Variants in STOM observed in about 807,000 individuals in gnomAD.
STOM encodes erythrocyte band 7 integral membrane protein.
A neutral mutation model predicts 30.6 loss-of-function variants in STOM; 25 were observed. The ratio of observed to expected loss-of-function variants is 0.82; its 90% CI spans 0.60 to 1.14. STOM has a LOEUF of 1.14. Ranked by LOEUF, STOM falls within the 50% of genes most tolerant of loss-of-function variation. The pLI is 0.00. For synonymous variants in STOM, 118 were observed against 130.8 expected (o/e 0.90, Z 0.67); for missense variants, 292 against 365.2 (o/e 0.80, Z 1.63).
chr9:121,368,859 G>T (rs2064531266), intron 1 of STOM, among the ~76,000 whole-genome samples: 3 of 150,942 alleles, frequency 2.0e-5, no homozygotes, highest in Non-Finnish European at 4.4e-5. Flanking sequence ...AGAATCACTT[G>T]AACTCGGGAG....
intron 4 of STOM, 120 bp downstream of exon 4, chr9:121,353,092 AAAACAAAC>A (rs369715891): frequency 9.3e-6 from 4 of 430,262 alleles, no homozygotes; most frequent in Middle Eastern, 7.0e-4. Context: ...GATTCCAATT[AAAACAAAC>A]AAACAAACAA....
rs540076547 is a variant in STOM at position 121,353,142 on chromosome 9, C to G, written c.321+78G>C. 3.0e-4 allele frequency: 202 copies of G among 679,940 alleles called. 3 individuals are homozygous for G. In the South Asian group the frequency reaches 4.5e-3, roughly 15 times the overall value. 42.1% of individuals were successfully genotyped at this position (679,940 alleles called of 1,614,324 possible). ...ATTTAAAATAAATAAATAAATAAAGCCTACACTCTAACTATTCTGTCCCTC... is the reference window on the plus strand; with the variant it reads ...ATTTAAAATAAATAAATAAATAAAGGCTACACTCTAACTATTCTGTCCCTC... On this transcript the variant is annotated intron_variant, in intron 4 of 6. Transcript: ENST00000286713.
intron 6 of STOM, among the ~76,000 whole-genome samples, chr9:121,342,537 C>G (rs1221042064): frequency 6.6e-6 from 1 of 151,904 alleles, no homozygotes; most frequent in Non-Finnish European, 1.5e-5. Context: ...GGAAAAGAAT[C>G]TGGCGGAAGT....
chr9:121,360,285 T>C (rs951161366), intron 1 of STOM, among the ~76,000 whole-genome samples: 3 of 152,182 alleles, frequency 2.0e-5, no homozygotes, highest in African/African-American at 7.2e-5. Context: ...GTCTAATCTT[T>C]TATTTTTTAT....
chr9:121,354,834 T>G (rs2064370273), intron 2 of STOM, among the ~76,000 whole-genome samples, 161 bp from the exon 3 acceptor site: 1 of 152,228 alleles, frequency 6.6e-6, no homozygotes. Flanking sequence ...GTTTACCTTC[T>G]CAAAGCTTAT....
At chr9:121,356,502 A>C (rs984724956) in intron 1 of STOM, among the ~76,000 whole-genome samples, 4 of 152,256 alleles carry the variant, frequency 2.6e-5, no homozygotes, top group African/African-American at 9.6e-5. Context: ...AAAGTCAGAC[A>C]AACACATAAT....
rs1249090977 is a variant in STOM, at chr9:121,370,117, C to T, written c.61+10G>A. On this transcript the variant is annotated intron_variant, in intron 1 of 6. Transcript: ENST00000286713. Reference sequence around the variant, plus strand: ...GTCCACGGGGGAGGGTCAGGGGACGCGGGACTCACCCTTGAAGGAGTCGGG... The same window carrying T: ...GTCCACGGGGGAGGGTCAGGGGACGTGGGACTCACCCTTGAAGGAGTCGGG... 4 of 1,538,788 alleles carry T rather than the reference C, an allele frequency of 2.6e-6. No homozygotes were observed. The highest frequency in any genetic ancestry group is 2.0e-5 in the Admixed American group (1 of 50,868).
chr9:121,352,333 A>G (rs905812446), intron 4 of STOM, among the ~76,000 whole-genome samples: 1 of 152,202 alleles, frequency 6.6e-6, no homozygotes, highest in Non-Finnish European at 1.5e-5. Flanking sequence ...TTCCCTAAAT[A>G]TTTTTGATCC....
At position 121,353,288 on chromosome 9, in the gene STOM, G is replaced by A; in HGVS notation, c.253C>T (p.Leu85=). 6.2e-7 allele frequency: 1 copy of A among 1,608,010 alleles called. No homozygotes were observed. Among genetic ancestry groups the A allele is most frequent in the South Asian group, 1.1e-5 (1 of 90,144 alleles). ...TTGATGAAGCTGTCAGTGCATGGCA[G>A]AATAAAAAACAAACCTGCAACAAAG... ...GAKGPGLFFI[L]PCTDSFIKVD... is the part of the protein sequence containing the mutation. The change falls in exon 4 of 7, where the codon CTG becomes TTG. Residue 85 remains leucine, a synonymous_variant. Coordinates refer to ENST00000286713, the MANE Select transcript of STOM (RefSeq NM_004099.6).
intron 1 of STOM, among the ~76,000 whole-genome samples, chr9:121,363,081 G>A (rs2064469261): frequency 6.6e-6 from 1 of 152,190 alleles, no homozygotes; most frequent in South Asian, 2.1e-4. Flanking sequence ...GAATCTGACT[G>A]TGAGTCATAA....
chr9:121,366,904 A>G (rs2064509035), intron 1 of STOM, among the ~76,000 whole-genome samples: 1 of 151,646 alleles, frequency 6.6e-6, no homozygotes, highest in African/African-American at 2.4e-5. Flanking sequence ...CCTGGGCAAC[A>G]TAGTGAGACC....
At position 121,344,666 on chromosome 9, in the gene STOM, C is replaced by T. The variant is rs571785391; in HGVS notation, c.661-3258G>A. Among the ~76,000 whole-genome samples the T allele has an allele frequency of 5.3e-5, 8 of 152,272 alleles. No individual in the cohort carries two copies. The South Asian group carries it at 6.2e-4, about 12-fold the overall frequency. ...TATAGAACATCATTTTAAAGTCTGG[C>T]ATTTTCATGTATGTGAAATTGGTGC... On this transcript the variant is annotated intron_variant, in intron 6 of 6. Transcript: ENST00000286713.
chr9:121,341,129 A>G lies in STOM; in HGVS notation c.*73T>C. ...TGACATATGGAAAAAGAAAAGCCCT[A>G]CCCTCTCTTTATGAGTTAAAGGCTA... On this transcript the variant is annotated 3_prime_UTR_variant, in exon 7 of 7. Transcript: ENST00000286713. 1.2e-6 allele frequency: 2 copies of G among 1,602,958 alleles called. No individual in the cohort carries two copies. The highest frequency in any genetic ancestry group is 1.7e-6 in the Non-Finnish European group (2 of 1,172,700).
chr9:121,339,503 TG>T lies in STOM; in HGVS notation c.*1698del. ...AGGCTTCCTAAAATAAGCTTGAAAT[TG>T]GGGTACAGGGGAAGGGACATCCATT... On this transcript the variant is annotated 3_prime_UTR_variant, in exon 7 of 7. Transcript: ENST00000286713. The T allele has an allele frequency of 1.6e-6, 2 of 1,221,178 alleles. No individual in the cohort carries two copies. 75.6% of individuals were successfully genotyped at this position (1,221,178 alleles called of 1,614,324 possible). A position where few individuals can be genotyped will look rare whatever the true frequency, so the allele number is the denominator to read the frequency against.
intron 1 of STOM, among the ~76,000 whole-genome samples, chr9:121,362,409 A>G (rs2064462248): frequency 1.3e-5 from 2 of 152,188 alleles, no homozygotes; most frequent in Non-Finnish European, 2.9e-5. Context: ...TTTTCATATC[A>G]GCACATATTC....
At chr9:121,349,344 T>C in intron 4 of STOM, 21 bp from the exon 5 acceptor site, 2 of 1,611,708 alleles carry the variant, frequency 1.2e-6, no homozygotes, top group Non-Finnish European at 8.5e-7. Context: ...AAGGAAGCAA[T>C]TTTACATCTG....
chr9:121,345,457 A>G (rs1480587756), intron 6 of STOM, among the ~76,000 whole-genome samples: 1 of 152,164 alleles, frequency 6.6e-6, no homozygotes, highest in African/African-American at 2.4e-5. Context: ...CTTAATCTTT[A>G]GATTATTCCA....
intron 6 of STOM, among the ~76,000 whole-genome samples, chr9:121,342,665 C>T (rs2064257202): frequency 6.6e-6 from 1 of 152,072 alleles, no homozygotes; most frequent in Non-Finnish European, 1.5e-5. Flanking sequence ...TATTATTTCT[C>T]ATTGGGTACA....
intron 5 of STOM, 39 bp from the exon 6 acceptor site, chr9:121,348,188 C>T (rs369542578): frequency 5.0e-6 from 8 of 1,613,426 alleles, no homozygotes; most frequent in Non-Finnish European, 5.9e-6. Flanking sequence ...TCTCCTCAGC[C>T]CAGCCCAGAT....
Sources: allele counts gnomAD v4.1 joint callset (sites outside exome capture counted in the v4.1 genomes callset), GRCh38; gene constraint gnomAD v4.1.1; transcripts MANE v1.5; gene names NCBI Gene and HGNC (gene_info 2026-07-23, HGNC 2026-07-21).